Variants in ZBTB20 observed in about 807,000 individuals in gnomAD.
The protein encoded by ZBTB20 is zinc finger and BTB domain containing 20.
In ZBTB20, 9 loss-of-function variants were observed where a neutral mutation model predicts 56.9. The ratio of observed to expected loss-of-function variants is 0.16; its 90% CI spans 0.10 to 0.28. The LOEUF (loss-of-function observed/expected upper bound fraction) is 0.28. Among genes scored for constraint, ZBTB20 ranks in the 10% least tolerant of loss-of-function variants. The pLI, the probability that ZBTB20 is intolerant of heterozygous loss-of-function variation, is 1.00. For synonymous variants in ZBTB20, 417 were observed against 420.7 expected, an observed-to-expected ratio of 0.99 and a Z score of 0.11; for missense variants, 655 against 1,003.0, an observed-to-expected ratio of 0.65 and a Z score of 4.69.
At chr3:115,115,928 T>C (rs2084005717) in intron 1 of ZBTB20, among the ~76,000 whole-genome samples, 1 of 152,076 alleles carries the variant, frequency 6.6e-6, no homozygotes. Context: ...AATAGACTTC[T>C]TGATTATTAT....
At position 114,620,922 on chromosome 3, in the gene ZBTB20, T is replaced by C. The variant is rs144111090; in HGVS notation, c.-295+72606A>G. ...CTTGTCAAGGATATGATTTGGCTGA[T>C]CTTGAAAAGTTATCAGAAAAATTAT... On this transcript the variant is annotated intron_variant, in intron 6 of 11. Transcript: ENST00000675478. 5.7e-4 allele frequency among the ~76,000 whole-genome samples: 87 copies of C among 152,318 alleles called. 1 individual carries two copies. The Middle Eastern group carries it at 0.01, about 18-fold the overall frequency.
At chr3:114,551,301 C>G (rs1011324166) in intron 6 of ZBTB20, among the ~76,000 whole-genome samples, 4 of 152,196 alleles carry the variant, frequency 2.6e-5, no homozygotes, top group Non-Finnish European at 5.9e-5. Flanking sequence ...TGTGTGCCTA[C>G]TGTGTCCTGT....
chr3:114,682,458 G>A (rs1468033521), intron 6 of ZBTB20, among the ~76,000 whole-genome samples: 1 of 152,142 alleles, frequency 6.6e-6, no homozygotes, highest in Non-Finnish European at 1.5e-5. Flanking sequence ...CAGTAGAAAT[G>A]TGTGAGATTT....
At chr3:114,959,250 T>C (rs938915555) in intron 3 of ZBTB20, among the ~76,000 whole-genome samples, 1 of 151,920 alleles carries the variant, frequency 6.6e-6, no homozygotes, top group Non-Finnish European at 1.5e-5. Flanking sequence ...AAAATGTTAA[T>C]AAACAAAAAA....
chr3:114,892,790 C>G (rs1217869497), intron 4 of ZBTB20, among the ~76,000 whole-genome samples: 1 of 152,168 alleles, frequency 6.6e-6, no homozygotes, highest in African/African-American at 2.4e-5. Context: ...TGCAAGGAGA[C>G]TTTGTCTATC....
rs530575797 is a variant in ZBTB20 at position 114,333,067 on chromosome 3, T to C, written c.*5938A>G. The C allele has an allele frequency of 8.5e-5, 13 of 152,312 alleles. No individual in the cohort carries two copies. The highest frequency in any genetic ancestry group is 6.5e-4 in the Admixed American group (10 of 15,298). The allele number at this position is 152,312 out of a possible 1,614,324, so 9.4% of individuals were successfully genotyped here. A position where few individuals can be genotyped will look rare whatever the true frequency, so the allele number is the denominator to read the frequency against. ...ACATTGCTGACTGCTATAGACTCAGTGTTCAAGGAGAAAAAAATCTTCAGA... is the reference window on the plus strand; with the variant it reads ...ACATTGCTGACTGCTATAGACTCAGCGTTCAAGGAGAAAAAAATCTTCAGA... On this transcript the variant is annotated 3_prime_UTR_variant, in exon 12 of 12. Transcript: ENST00000675478.
intron 10 of ZBTB20, among the ~76,000 whole-genome samples, chr3:114,355,841 A>AC (rs1168036356): frequency 7.3e-5 from 11 of 151,106 alleles, no homozygotes; most frequent in East Asian, 1.9e-4. Context: ...AGAAAAAAAA[A>AC]ACACACACAC....
chr3:114,696,550 C>T (rs76377489), intron 5 of ZBTB20, among the ~76,000 whole-genome samples: 1,624 of 152,052 alleles, frequency 0.011, 11 homozygotes, highest in Middle Eastern at 0.048. Context: ...ATTTTATGAC[C>T]GCTTGAGAGG....
rs1287528651 is a variant in ZBTB20 at position 114,769,876 on chromosome 3, T to C, written c.-343+31225A>G. Among the ~76,000 whole-genome samples, 3 of 151,796 alleles carry C rather than the reference T, an allele frequency of 2.0e-5. 1 individual carries two copies. Among genetic ancestry groups the C allele is most frequent in the Admixed American group, 1.3e-4 (2 of 15,238 alleles). On this transcript the variant is annotated intron_variant, in intron 5 of 11. Coordinates refer to ENST00000675478, the MANE Select transcript of ZBTB20 (RefSeq NM_001348800.3). ...GAGTTTGAGACCAGCCTGGCCCACATGGTGAAACCCTGTCTCTAATAAAAA... is the reference window on the plus strand; with the variant it reads ...GAGTTTGAGACCAGCCTGGCCCACACGGTGAAACCCTGTCTCTAATAAAAA...
At chr3:114,876,898 T>C (rs552711090) in intron 4 of ZBTB20, among the ~76,000 whole-genome samples, 12 of 152,298 alleles carry the variant, frequency 7.9e-5, no homozygotes, top group Non-Finnish European at 1.0e-4. Flanking sequence ...CATGCTTCCA[T>C]AGTACAGTGT....
At chr3:115,093,995 AAGCACCAACCCCTC>A (rs2083291146) in intron 1 of ZBTB20, among the ~76,000 whole-genome samples, 1 of 151,962 alleles carries the variant, frequency 6.6e-6, no homozygotes, top group African/African-American at 2.4e-5. Flanking sequence ...GAAGCTTCAA[AAGCACCAACCCCTC>A]AGCTACCCTC....
intron 2 of ZBTB20, among the ~76,000 whole-genome samples, chr3:114,989,903 T>A (rs774605721): frequency 1.6e-4 from 24 of 152,206 alleles, no homozygotes; most frequent in Non-Finnish European, 2.9e-4. Context: ...GCTTTCTGTT[T>A]GTCTGTTATT....
chr3:114,530,084 A>T (rs2047673943), intron 6 of ZBTB20, among the ~76,000 whole-genome samples: 1 of 152,242 alleles, frequency 6.6e-6, no homozygotes, highest in Non-Finnish European at 1.5e-5. Flanking sequence ...TCACAGCACA[A>T]TTACTTTTTA....
chr3:114,546,671 A>C (rs2049926425), intron 6 of ZBTB20, among the ~76,000 whole-genome samples: 1 of 151,896 alleles, frequency 6.6e-6, no homozygotes, highest in South Asian at 2.1e-4. Flanking sequence ...TTGCACGTGG[A>C]GAATTCTGTA....
intron 3 of ZBTB20, among the ~76,000 whole-genome samples, chr3:114,936,963 G>A (rs1216674147): frequency 2.6e-5 from 4 of 152,234 alleles, no homozygotes; most frequent in Non-Finnish European, 5.9e-5. Context: ...TCTGAAAGGA[G>A]AAAGGCAAGG....
rs187007992 is a variant in ZBTB20, at chr3:114,812,536, A to G, written c.-416-11362T>C. ...AGTTTCTCCAAGTCCCCACCAGAGT[A>G]GCCAGATATAGAGTGTCGATTGGTG... On this transcript the variant is annotated intron_variant, in intron 4 of 11. Coordinates refer to ENST00000675478, the MANE Select transcript of ZBTB20 (RefSeq NM_001348800.3). Among the ~76,000 whole-genome samples the G allele has an allele frequency of 4.6e-5, 7 of 152,338 alleles. No individual in the cohort carries two copies. The East Asian group carries it at 1.4e-3, about 29-fold the overall frequency.
rs902315920 is a variant in ZBTB20, at chr3:114,932,143, G to A, written c.-455-31801C>T. Among the ~76,000 whole-genome samples, 31 of 152,180 alleles carry A rather than the reference G, an allele frequency of 2.0e-4. 1 individual carries two copies. Among genetic ancestry groups the A allele is most frequent in the Admixed American group, 2.0e-3 (31 of 15,286 alleles). ...AGCTGTTTCTGGGCAACTTGACTTT[G>A]CCAGGGCCTTTGCACTGATTGTGTT... is the stretch of plus-strand genomic sequence containing the variant. On this transcript the variant is annotated intron_variant, in intron 3 of 11. Coordinates refer to ENST00000675478, the MANE Select transcript of ZBTB20 (RefSeq NM_001348800.3).
rs2079324637 is a variant in ZBTB20 at position 114,333,161 on chromosome 3, C to G, written c.*5844G>C. On this transcript the variant is annotated 3_prime_UTR_variant, in exon 12 of 12. Coordinates refer to ENST00000675478, the MANE Select transcript of ZBTB20 (RefSeq NM_001348800.3). The stretch of plus-strand genomic sequence containing the variant: ...TTGATACTCAGTGCTAGAAATGATG[C>G]TTTGGATTAGTAGTTTCCACATTCT... 1 of 152,172 alleles carries G rather than the reference C, an allele frequency of 6.6e-6. No individual in the cohort carries two copies. Among genetic ancestry groups the G allele is most frequent in the African/African-American group, 2.4e-5 (1 of 41,434 alleles). 9.4% of individuals were successfully genotyped at this position (152,172 alleles called of 1,614,324 possible). A position where few individuals can be genotyped will look rare whatever the true frequency, so the allele number is the denominator to read the frequency against.
At chr3:114,749,303 A>C (rs943456719) in intron 5 of ZBTB20, among the ~76,000 whole-genome samples, 24 of 152,274 alleles carry the variant, frequency 1.6e-4, no homozygotes, top group African/African-American at 5.5e-4. Context: ...CCTGTAATCC[A>C]TGAACTTTGG....
Sources: gnomAD v4.1 joint callset for allele counts (sites outside exome capture counted in the v4.1 genomes callset) on GRCh38, gnomAD v4.1.1 for gene constraint, MANE v1.5 for transcripts, NCBI Gene and HGNC (gene_info 2026-07-23, HGNC 2026-07-21) for gene names.